DCLK1: variants seen among roughly 807,000 people sequenced by gnomAD.
The protein encoded by DCLK1 is serine/threonine-protein kinase DCLK1.
In DCLK1, 16 loss-of-function variants were observed where a neutral mutation model predicts 86.2. The ratio of observed to expected loss-of-function variants is 0.19; its 90% CI spans 0.13 to 0.28. The LOEUF is 0.28. Ranked by LOEUF, DCLK1 falls within the 10% of genes least tolerant of loss-of-function variation. The pLI, the probability that DCLK1 is intolerant of heterozygous loss-of-function variation, is 1.00. For missense variants in DCLK1, 590 were observed against 940.2 expected, an observed-to-expected ratio of 0.63 and a Z score of 4.87; for synonymous variants, 369 against 370.5, an observed-to-expected ratio of 1.00 and a Z score of 0.05.
chr13:36,035,170 A>T lies in DCLK1; in HGVS notation c.723+76699T>A, dbSNP rs553790782. ...GTGTCTCTCCCTCTGCGAATCAGCT[A>T]ATTCTCTCCCTTTCACTTGCTCCCT... On this transcript the variant is annotated intron_variant, in intron 3 of 16. Coordinates refer to ENST00000360631, the MANE Select transcript of DCLK1 (RefSeq NM_001330071.2). 2.6e-5 allele frequency among the ~76,000 whole-genome samples: 4 copies of T among 152,052 alleles called. No individual in the cohort carries two copies. The South Asian group carries it at 8.3e-4, about 32-fold the overall frequency.
intron 4 of DCLK1, among the ~76,000 whole-genome samples, chr13:35,878,783 T>C (rs1395844014): frequency 7.6e-6 from 1 of 131,078 alleles, no homozygotes; most frequent in Non-Finnish European, 1.7e-5. Flanking sequence ...TATGTAACCA[T>C]AAAAATTACA....
chr13:36,044,496 G>A (rs1882805957), intron 3 of DCLK1, among the ~76,000 whole-genome samples: 1 of 152,122 alleles, frequency 6.6e-6, no homozygotes, highest in Non-Finnish European at 1.5e-5. Context: ...AGTGTAATTG[G>A]TAGATCATCT....
rs1320579898 is a variant in DCLK1 at position 36,068,220 on chromosome 13, C to T, written c.723+43649G>A. 3.3e-5 allele frequency among the ~76,000 whole-genome samples: 5 copies of T among 152,236 alleles called. 1 individual carries two copies. In the East Asian group the frequency reaches 9.7e-4, roughly 29 times the overall value. ...TTCCTATTATTCTGGCAGTAAATGA[C>T]CTGGCTGATTTCATGCTGGGCAACA... On this transcript the variant is annotated intron_variant, in intron 3 of 16. Transcript: ENST00000360631.
intron 4 of DCLK1, among the ~76,000 whole-genome samples, chr13:35,916,428 C>A (rs10161578): frequency 0.1 from 15,340 of 152,180 alleles, 1,000 homozygotes; most frequent in Middle Eastern, 0.16. Context: ...CCCTCCTCTG[C>A]CCTCTCCATC....
chr13:36,091,107 T>C (rs1379643066), intron 3 of DCLK1, among the ~76,000 whole-genome samples: 1 of 152,208 alleles, frequency 6.6e-6, no homozygotes, highest in Non-Finnish European at 1.5e-5. Context: ...GATGGGTAGA[T>C]TGTAAAAATT....
intron 4 of DCLK1, among the ~76,000 whole-genome samples, chr13:35,912,952 A>G (rs1027920179): frequency 5.3e-5 from 8 of 152,326 alleles, no homozygotes; most frequent in African/African-American, 1.9e-4. Context: ...GCTGGCGCCC[A>G]GAGTAGCTGG....
At chr13:35,850,132 A>T in intron 6 of DCLK1, 2 of 985,282 alleles carry the variant, frequency 2.0e-6, no homozygotes, top group African/African-American at 3.5e-5. Context: ...TTTCTCTCGG[A>T]TGTACTAACC....
At chr13:35,995,516 C>T (rs1216288932) in intron 3 of DCLK1, among the ~76,000 whole-genome samples, 1 of 152,144 alleles carries the variant, frequency 6.6e-6, no homozygotes, top group African/African-American at 2.4e-5. Flanking sequence ...TATAAATGTT[C>T]CTTTGTCTTC....
At chr13:35,980,686 TCATTC>T (rs1178619978) in intron 3 of DCLK1, among the ~76,000 whole-genome samples, 4 of 152,088 alleles carry the variant, frequency 2.6e-5, no homozygotes, top group Non-Finnish European at 5.9e-5. Context: ...CGTGATGAAA[TCATTC>T]CACCTCAGAT....
At position 35,875,856 on chromosome 13, in the gene DCLK1, C is replaced by A. The variant is rs117810039; in HGVS notation, c.824-4516G>T. Among the ~76,000 whole-genome samples, 317 of 152,246 alleles carry A rather than the reference C, an allele frequency of 2.1e-3. 9 individuals are homozygous for A. The East Asian group carries it at 0.058, about 28-fold the overall frequency. On this transcript the variant is annotated intron_variant, in intron 4 of 16. Coordinates refer to ENST00000360631, the MANE Select transcript of DCLK1 (RefSeq NM_001330071.2). The stretch of plus-strand genomic sequence containing the variant: ...AACTCTTGGTATTCACTGAACTAAC[C>A]CAAACTCTCATTGTACACCCAAGAA...
At chr13:35,921,841 G>C (rs1176597412) in intron 4 of DCLK1, among the ~76,000 whole-genome samples, 3 of 152,178 alleles carry the variant, frequency 2.0e-5, no homozygotes, top group Admixed American at 2.0e-4. Flanking sequence ...GAAAAGACCA[G>C]GTGACAGGGC....
At chr13:36,006,796 A>G (rs1185790766) in intron 3 of DCLK1, among the ~76,000 whole-genome samples, 1 of 152,140 alleles carries the variant, frequency 6.6e-6, no homozygotes, top group Non-Finnish European at 1.5e-5. Context: ...AAGCTAGCTG[A>G]CCCCAGTCAA....
intron 3 of DCLK1, among the ~76,000 whole-genome samples, chr13:35,961,807 C>A (rs1878477099): frequency 6.6e-6 from 1 of 152,170 alleles, no homozygotes; most frequent in Admixed American, 6.5e-5. Context: ...AATTAAAGTT[C>A]TCTCCTTGTT....
At chr13:35,775,289 T>C (rs1270666463) in intron 16 of DCLK1, among the ~76,000 whole-genome samples, 2 of 152,226 alleles carry the variant, frequency 1.3e-5, no homozygotes, top group Non-Finnish European at 2.9e-5. Flanking sequence ...ATGCCTGAAA[T>C]TGAACACTGC....
In DCLK1 at chr13:35,980,651, C is replaced by T. The variant is rs1214409643; in HGVS notation, c.724-33194G>A. Among the ~76,000 whole-genome samples, 55 of 151,982 alleles carry T rather than the reference C, an allele frequency of 3.6e-4. 1 individual carries two copies. Among genetic ancestry groups the T allele is most frequent in the Non-Finnish European group, 7.4e-5 (5 of 68,014 alleles). On this transcript the variant is annotated intron_variant, in intron 3 of 16. Transcript: ENST00000360631. ...TCTTGGAAGAAAATTTTTCCATGGA[C>T]GTGGGCTGGGTGCGGGGATGGTTTC...
chr13:35,934,410 A>G (rs1235004660), intron 4 of DCLK1, among the ~76,000 whole-genome samples: 1 of 152,234 alleles, frequency 6.6e-6, no homozygotes, highest in African/African-American at 2.4e-5. Flanking sequence ...AAGAGGTTTA[A>G]TTGGACTTAC....
At chr13:35,831,155 G>T (rs1211690154) in intron 8 of DCLK1, among the ~76,000 whole-genome samples, 1 of 152,110 alleles carries the variant, frequency 6.6e-6, no homozygotes, top group African/African-American at 2.4e-5. Flanking sequence ...TTCGTAATAG[G>T]ATTAAACCTT....
intron 3 of DCLK1, among the ~76,000 whole-genome samples, chr13:36,111,660 G>T (rs566773399): frequency 7.2e-5 from 11 of 152,254 alleles, no homozygotes; most frequent in African/African-American, 2.6e-4. Flanking sequence ...AATCTTCAAA[G>T]ATATGCATTT....
chr13:35,825,686 G>A (rs2087503859), intron 10 of DCLK1, among the ~76,000 whole-genome samples: 2 of 152,136 alleles, frequency 1.3e-5, no homozygotes, highest in African/African-American at 4.8e-5. Flanking sequence ...AATTAACATT[G>A]TTGTAAAAAG....
Sources: gnomAD v4.1 joint callset for allele counts (sites outside exome capture counted in the v4.1 genomes callset) on GRCh38, gnomAD v4.1.1 for gene constraint, MANE v1.5 for transcripts, NCBI Gene and HGNC (gene_info 2026-07-23, HGNC 2026-07-21) for gene names.